MAP6: variants seen among roughly 807,000 people sequenced by gnomAD.
MAP6 encodes microtubule associated protein 6.
Under a neutral mutation model 42.4 loss-of-function variants are expected in MAP6, and 26 were observed. The ratio of observed to expected loss-of-function variants is 0.61; its 90% CI spans 0.45 to 0.85. The LOEUF (loss-of-function observed/expected upper bound fraction) is 0.85, where lower values mean the gene tolerates loss of function less well. Among genes scored for constraint, MAP6 ranks in the 40% least tolerant of loss-of-function variants. MAP6 has a pLI of 0.00. For synonymous variants in MAP6, 418 were observed against 443.8 expected (o/e 0.94, Z 0.73); for missense variants, 966 against 1,099.0 (o/e 0.88, Z 1.71).
chr11:75,589,325 C>T (rs1942433154), intron 3 of MAP6, among the ~76,000 whole-genome samples: 1 of 152,222 alleles, frequency 6.6e-6, no homozygotes, highest in Admixed American at 6.5e-5. Flanking sequence ...CATTGCCACA[C>T]TTAGACCCGG....
Position 75,667,681 on chromosome 11 carries a change from G to T in MAP6, c.689C>A (p.Ala230Glu). ...GGAGGLAAGK[A>E]SGADERDTRR... ...CGTGTCGCGCTCGTCCGCCCCGGAC[G>T]CCTTTCCGGCCGCCAGGCCACCCGC... The change falls in exon 1 of 4, where the codon GCG becomes GAG. Residue 230 changes from alanine to glutamate, a missense_variant. This residue lies in a region of MAP6 where 943 missense variants were observed against 1,049.9 expected (regional missense o/e 0.90). Transcript: ENST00000304771. The surrounding 1 kb of genome is among the most constrained non-coding windows in gnomAD (Gnocchi z 5.6). 5.5e-6 allele frequency: 7 copies of T among 1,273,066 alleles called. No homozygotes were observed. Among genetic ancestry groups the T allele is most frequent in the Non-Finnish European group, 5.9e-6 (6 of 1,014,026 alleles). 78.9% of individuals were successfully genotyped at this position (1,273,066 alleles called of 1,614,324 possible).
rs1943840421 is a variant in MAP6 at position 75,661,348 on chromosome 11, A to G, written c.905+6117T>C. 2.6e-5 allele frequency among the ~76,000 whole-genome samples: 4 copies of G among 152,122 alleles called. No homozygotes were observed. In the South Asian group the frequency reaches 6.2e-4, roughly 24 times the overall value. ...GAGGGGAATCTACCCATTTAATTTT[A>G]TAGGTATAACCTTGATTCCAACAGT... On this transcript the variant is annotated intron_variant, in intron 1 of 3. Coordinates refer to ENST00000304771, the MANE Select transcript of MAP6 (RefSeq NM_033063.2).
At position 75,668,037 on chromosome 11, in the gene MAP6, G is replaced by A. The variant is rs947344472; in HGVS notation, c.333C>T (p.Gly111=). Residue 111 remains glycine, a synonymous_variant, in exon 1 of 4, where the codon GGC becomes GGT. Transcript: ENST00000304771. ...RSGPGPGLGS[G]STSGPADSVM... is the part of the protein sequence containing the mutation. ...CCGAGTCCGCGGGGCCGGAGGTGGA[G>A]CCGGAGCCCAGGCCCGGGCCCGGCC... 5.7e-6 allele frequency: 7 copies of A among 1,230,772 alleles called. No homozygotes were observed. Among genetic ancestry groups the A allele is most frequent in the Non-Finnish European group, 7.1e-6 (7 of 987,322 alleles). The allele number at this position is 1,230,772 out of a possible 1,614,324, so 76.2% of individuals were successfully genotyped here.
chr11:75,645,283 G>A (rs17134217), intron 1 of MAP6, among the ~76,000 whole-genome samples: 2,383 of 151,934 alleles, frequency 0.016, 53 homozygotes, highest in African/African-American at 0.055. Context: ...GTTGCCCCAC[G>A]GTGTAATGGA....
intron 3 of MAP6, chr11:75,603,188 T>C: frequency 7.1e-6 from 7 of 985,518 alleles, no homozygotes; most frequent in Non-Finnish European, 8.4e-6. Context: ...CTCTTGGGGC[T>C]GCTTTTGCAG....
At chr11:75,638,723 A>T (rs1943413043) in intron 1 of MAP6, 1 of 152,244 alleles carries the variant, frequency 6.6e-6, no homozygotes, top group Admixed American at 6.5e-5. Flanking sequence ...AAATTAGTAC[A>T]ATCTCTATGG....
Position 75,628,577 on chromosome 11 carries a change from G to C in MAP6, c.906-20255C>G, listed in dbSNP as rs150126648. Among the ~76,000 whole-genome samples, 313 of 152,356 alleles carry C rather than the reference G, an allele frequency of 2.1e-3. 1 individual carries two copies. Among genetic ancestry groups the C allele is most frequent in the African/African-American group, 7.1e-3 (297 of 41,572 alleles). ...TAGGCATCTCCTCTGCAGCAGGCCA[G>C]AGCGGCAGGAGGGAGAAAAACATTC... is the stretch of plus-strand genomic sequence containing the variant. On this transcript the variant is annotated intron_variant, in intron 1 of 3. Coordinates refer to ENST00000304771, the MANE Select transcript of MAP6 (RefSeq NM_033063.2).
At chr11:75,621,625 A>G (rs1444426191) in intron 1 of MAP6, among the ~76,000 whole-genome samples, 5 of 152,250 alleles carry the variant, frequency 3.3e-5, no homozygotes, top group Admixed American at 2.0e-4. Flanking sequence ...CATTTAGAAA[A>G]TACTCAGGAA....
At chr11:75,662,950 G>A (rs921908694) in intron 1 of MAP6, among the ~76,000 whole-genome samples, 2 of 148,836 alleles carry the variant, frequency 1.3e-5, no homozygotes, top group African/African-American at 5.0e-5. Flanking sequence ...TGCTAACCTG[G>A]TAGGATTTGT....
At chr11:75,617,314 C>T (rs932846275) in intron 1 of MAP6, among the ~76,000 whole-genome samples, 7 of 152,104 alleles carry the variant, frequency 4.6e-5, no homozygotes, top group South Asian at 2.1e-4. Flanking sequence ...GCCAGGAGTT[C>T]GAGACCAGCC....
At chr11:75,640,977 TTACTGGGTATATACCCAAAGGATTA>T (rs1362532144) in intron 1 of MAP6, among the ~76,000 whole-genome samples, 2 of 152,218 alleles carry the variant, frequency 1.3e-5, no homozygotes, top group East Asian at 3.9e-4. Context: ...AGCCATCCCA[TTACTGGGTATATACCCAAAGGATTA>T]TAAAACATGC....
rs1215118543 is a variant in MAP6 at position 75,587,891 on chromosome 11, G to A, written c.1610C>T (p.Pro537Leu). Residue 537 changes from proline to leucine, a missense_variant, in exon 4 of 4, where the codon CCA (proline) becomes CTA (leucine). Physicochemically the swap from Pro to Leu is moderately conservative, Grantham distance 98 (BLOSUM62 -3). Coordinates refer to ENST00000304771, the MANE Select transcript of MAP6 (RefSeq NM_033063.2). ...TGGAACCATAGGACTTTGATTCTTT[G>A]GAGGAACTGGGACCGAGGGACCTTG... ...KDQGPSVPVPPKNQSPMVPAK... is the reference protein window; with the variant it reads ...KDQGPSVPVPLKNQSPMVPAK... The A allele has an allele frequency of 6.2e-7, 1 of 1,613,978 alleles. No individual in the cohort carries two copies. The highest frequency in any genetic ancestry group is 1.3e-5 in the African/African-American group (1 of 74,898).
At chr11:75,619,609 T>C (rs1018215641) in intron 1 of MAP6, among the ~76,000 whole-genome samples, 57 of 152,324 alleles carry the variant, frequency 3.7e-4, no homozygotes, top group Admixed American at 2.6e-3. Context: ...CATGCAGTAT[T>C]TGGTTTTCTG....
At chr11:75,592,181 G>C (rs1894210) in intron 3 of MAP6, among the ~76,000 whole-genome samples, 4,824 of 152,150 alleles carry the variant, frequency 0.032, 90 homozygotes, top group Non-Finnish European at 0.041. Context: ...CCTCCTCCCT[G>C]GTCTTCCTGC....
At chr11:75,600,908 T>A (rs567718966) in intron 3 of MAP6, among the ~76,000 whole-genome samples, 1 of 152,218 alleles carries the variant, frequency 6.6e-6, no homozygotes, top group African/African-American at 2.4e-5. Context: ...TAAGGAAGAA[T>A]TGAAATACAT....
rs61563507 is a variant in MAP6 at position 75,620,483 on chromosome 11, GAA to G, written c.906-12163_906-12162del. Among the ~76,000 whole-genome samples, 421 of 69,770 alleles carry G rather than the reference GAA, an allele frequency of 6.0e-3. 1 individual carries two copies. Among genetic ancestry groups the G allele is most frequent in the African/African-American group, 0.018 (402 of 21,892 alleles). 45.8% of individuals were successfully genotyped at this position (69,770 alleles called of 152,430 possible). On this transcript the variant is annotated intron_variant, in intron 1 of 3. Transcript: ENST00000304771. ...AAGATTCTGACTGACTCAAAAGAGA[GAA>G]AAAAAAAAAAAAAGAAAGAAAGAAA...
intron 1 of MAP6, among the ~76,000 whole-genome samples, chr11:75,662,297 A>T (rs896803599): frequency 6.6e-6 from 1 of 152,230 alleles, no homozygotes; most frequent in Non-Finnish European, 1.5e-5. Context: ...TAGTTAGATT[A>T]TTAACAATTT....
intron 3 of MAP6, among the ~76,000 whole-genome samples, chr11:75,600,335 T>C (rs1942644963): frequency 6.6e-6 from 1 of 152,184 alleles, no homozygotes; most frequent in Admixed American, 6.5e-5. Context: ...ACTCACGAAC[T>C]TTGTAAATGC....
At chr11:75,588,228 G>T (rs751357226) in intron 3 of MAP6, 44 bp from the exon 4 acceptor site, 2 of 1,561,708 alleles carry the variant, frequency 1.3e-6, no homozygotes, top group Admixed American at 3.6e-5. Context: ...TAGAGCTCAG[G>T]CAGGGACAGG....
Sources: gnomAD v4.1 joint callset for allele counts (sites outside exome capture counted in the v4.1 genomes callset) on GRCh38, gnomAD v4.1.1 for gene constraint, gnomAD v4.1.1 regional missense constraint, Gnocchi (gnomAD v3.1) non-coding constraint, MANE v1.5 for transcripts, NCBI Gene and HGNC (gene_info 2026-07-23, HGNC 2026-07-21) for gene names.